Variants in IMMP2L observed in about 807,000 individuals in gnomAD.
The protein encoded by IMMP2L is inner mitochondrial membrane peptidase subunit 2.
In IMMP2L, 18 loss-of-function variants were observed where a neutral mutation model predicts 19.3. That is an observed-to-expected ratio of 0.93 (90% CI 0.64 to 1.38). IMMP2L has a LOEUF of 1.38. Among genes scored for constraint, IMMP2L ranks in the 40% most tolerant of loss-of-function variants. The pLI, the probability that IMMP2L is intolerant of heterozygous loss-of-function variation, is 0.00. For synonymous variants in IMMP2L, 76 were observed against 73.0 expected (o/e 1.04, Z -0.21); for missense variants, 233 against 218.2 (o/e 1.07, Z -0.43).
intron 3 of IMMP2L, among the ~76,000 whole-genome samples, chr7:111,162,464 A>G (rs932578764): frequency 6.6e-6 from 1 of 152,128 alleles, no homozygotes; most frequent in African/African-American, 2.4e-5. Context: ...TATAACACAA[A>G]TATACTAAAG....
chr7:111,333,799 A>G (rs1038584512), intron 3 of IMMP2L, among the ~76,000 whole-genome samples: 2 of 152,112 alleles, frequency 1.3e-5, no homozygotes, highest in African/African-American at 4.8e-5. Flanking sequence ...TTGGACTCCA[A>G]GTTCTTCACC....
intron 5 of IMMP2L, among the ~76,000 whole-genome samples, chr7:110,766,136 T>C (rs1798644230): frequency 6.6e-6 from 1 of 152,190 alleles, no homozygotes; most frequent in Non-Finnish European, 1.5e-5. Context: ...TATCTACAAA[T>C]AGAATAAATT....
chr7:110,761,790 G>C (rs1302781430), intron 5 of IMMP2L, among the ~76,000 whole-genome samples: 2 of 152,174 alleles, frequency 1.3e-5, no homozygotes, highest in Non-Finnish European at 2.9e-5. Flanking sequence ...GGCAGCTTGA[G>C]CCCTTAACAT....
At chr7:110,919,004 T>G (rs574478172) in intron 4 of IMMP2L, among the ~76,000 whole-genome samples, 2 of 152,112 alleles carry the variant, frequency 1.3e-5, no homozygotes, top group Non-Finnish European at 2.9e-5. Flanking sequence ...TAGATTAGAG[T>G]GAACACCAAT....
chr7:111,154,014 G>GT (rs553773478), intron 3 of IMMP2L, among the ~76,000 whole-genome samples: 84 of 152,084 alleles, frequency 5.5e-4, no homozygotes, highest in Non-Finnish European at 1.0e-3. Flanking sequence ...CTCCCAGTAA[G>GT]TTTTTTACTA....
intron 5 of IMMP2L, among the ~76,000 whole-genome samples, chr7:110,720,636 A>G (rs963713430): frequency 6.6e-6 from 1 of 152,120 alleles, no homozygotes; most frequent in African/African-American, 2.4e-5. Context: ...CTCTACTACT[A>G]ATTGCTGGGG....
chr7:111,153,868 T>TC (rs1804341166), intron 3 of IMMP2L, among the ~76,000 whole-genome samples: 1 of 152,036 alleles, frequency 6.6e-6, no homozygotes, highest in Non-Finnish European at 1.5e-5. Flanking sequence ...AGAGACTTTT[T>TC]CTCCCTAACT....
chr7:110,842,388 C>T (rs915070062), intron 5 of IMMP2L, among the ~76,000 whole-genome samples: 5 of 152,128 alleles, frequency 3.3e-5, no homozygotes, highest in African/African-American at 1.2e-4. Flanking sequence ...GAAACAGAGG[C>T]TTGAGTTCGG....
intron 3 of IMMP2L, among the ~76,000 whole-genome samples, chr7:111,321,018 G>A (rs1824643063): frequency 6.6e-6 from 1 of 151,984 alleles, no homozygotes; most frequent in African/African-American, 2.4e-5. Context: ...TGTGTTCCAT[G>A]TTTTCTTCAA....
chr7:111,550,431 T>G (rs1369794334), intron 1 of IMMP2L, among the ~76,000 whole-genome samples: 1 of 152,146 alleles, frequency 6.6e-6, no homozygotes, highest in Non-Finnish European at 1.5e-5. Flanking sequence ...GAATGAACCC[T>G]AATGTAAACA....
At chr7:111,499,325 A>G (rs541126474) in intron 2 of IMMP2L, among the ~76,000 whole-genome samples, 1 of 152,284 alleles carries the variant, frequency 6.6e-6, no homozygotes, top group South Asian at 2.1e-4. Context: ...ATATCAATGT[A>G]ATAATCTACC....
intron 5 of IMMP2L, among the ~76,000 whole-genome samples, chr7:110,796,956 G>GT (rs1450723568): frequency 6.6e-6 from 1 of 151,958 alleles, no homozygotes; most frequent in East Asian, 1.9e-4. Context: ...TTGATTCATT[G>GT]TAAGCCTCTG....
At chr7:111,142,124 G>A (rs1487125714) in intron 3 of IMMP2L, among the ~76,000 whole-genome samples, 2 of 152,150 alleles carry the variant, frequency 1.3e-5, no homozygotes, top group Non-Finnish European at 2.9e-5. Context: ...TCGGGAGTGC[G>A]AGACCAGCCT....
At chr7:111,337,129 A>T (rs1444924087) in intron 3 of IMMP2L, among the ~76,000 whole-genome samples, 1 of 152,096 alleles carries the variant, frequency 6.6e-6, no homozygotes, top group Non-Finnish European at 1.5e-5. Flanking sequence ...AGATTTCTAT[A>T]TTAAGATAAA....
chr7:110,730,511 GCTTT>G (rs1796190973), intron 5 of IMMP2L, among the ~76,000 whole-genome samples: 1 of 151,942 alleles, frequency 6.6e-6, no homozygotes, highest in African/African-American at 2.4e-5. Flanking sequence ...AGTTGGACTG[GCTTT>G]CTTTCCTTTT....
chr7:110,865,868 A>C (rs1807931742), intron 5 of IMMP2L, among the ~76,000 whole-genome samples: 1 of 152,066 alleles, frequency 6.6e-6, no homozygotes, highest in African/African-American at 2.4e-5. Flanking sequence ...TTTGAGGAGA[A>C]CATGGACATC....
At chr7:111,117,887 T>A (rs1205622560) in intron 3 of IMMP2L, among the ~76,000 whole-genome samples, 1 of 152,128 alleles carries the variant, frequency 6.6e-6, no homozygotes, top group African/African-American at 2.4e-5. Context: ...GTAGTCTTTA[T>A]AATACACATA....
At chr7:111,488,088 A>C (rs1249723551) in intron 2 of IMMP2L, among the ~76,000 whole-genome samples, 2 of 152,224 alleles carry the variant, frequency 1.3e-5, no homozygotes, top group African/African-American at 4.8e-5. Context: ...GGACAGGGGT[A>C]CAGACAAAGC....
intron 2 of IMMP2L, among the ~76,000 whole-genome samples, 187 bp from the exon 3 acceptor site, chr7:111,487,528 G>A (rs1842756394): frequency 6.6e-6 from 1 of 152,054 alleles, no homozygotes; most frequent in Non-Finnish European, 1.5e-5. Context: ...CTTCACAGAT[G>A]AACCAGAAAA....
Sources: allele counts gnomAD v4.1 joint callset (sites outside exome capture counted in the v4.1 genomes callset), GRCh38; gene constraint gnomAD v4.1.1; transcripts MANE v1.5; gene names NCBI Gene and HGNC (gene_info 2026-07-23, HGNC 2026-07-21).